The following ST18 variants were observed in gnomAD, a reference collection of about 807,000 sequenced individuals.
ST18 encodes ST18 C2H2C-type zinc finger transcription factor.
In ST18, 50 loss-of-function variants were observed where a neutral mutation model predicts 110.0. The ratio of observed to expected loss-of-function variants is 0.45; its 90% confidence interval spans 0.36 to 0.58. The LOEUF (loss-of-function observed/expected upper bound fraction) is 0.58. ST18 is among the 20% of genes least tolerant of loss of function. The pLI is 0.00. For synonymous variants in ST18, 461 were observed against 452.4 expected, an observed-to-expected ratio of 1.02 and a Z score of -0.24; for missense variants, 1,306 against 1,280.1, an observed-to-expected ratio of 1.02 and a Z score of -0.31.
chr8:52,239,509 A>G (rs1048163100), intron 2 of ST18, among the ~76,000 whole-genome samples: 3 of 151,698 alleles, frequency 2.0e-5, no homozygotes, highest in African/African-American at 7.3e-5. Flanking sequence ...ATGGCAGTCA[A>G]TTGGGTATGA....
intron 6 of ST18, among the ~76,000 whole-genome samples, chr8:52,216,815 T>A (rs2084422139): frequency 6.6e-6 from 1 of 152,176 alleles, no homozygotes; most frequent in African/African-American, 2.4e-5. Flanking sequence ...TTTTGTAAAA[T>A]CAGGCCTCAT....
At chr8:52,285,859 C>T (rs577335419) in intron 2 of ST18, among the ~76,000 whole-genome samples, 8 of 152,320 alleles carry the variant, frequency 5.3e-5, no homozygotes, top group Middle Eastern at 3.4e-3. Context: ...GAGGTTACTT[C>T]TCTTTGCCTT....
intron 2 of ST18, among the ~76,000 whole-genome samples, chr8:52,236,021 C>T (rs932907202): frequency 6.6e-6 from 1 of 152,170 alleles, no homozygotes; most frequent in East Asian, 1.9e-4. Context: ...TGACAATCTA[C>T]ATGAATATGC....
chr8:52,156,895 A>C (rs1430994402), intron 15 of ST18, among the ~76,000 whole-genome samples: 1 of 152,196 alleles, frequency 6.6e-6, no homozygotes, highest in African/African-American at 2.4e-5. Flanking sequence ...CCAGCATAAC[A>C]AACTCCTTTG....
At chr8:52,273,994 T>C (rs2095158225) in intron 2 of ST18, among the ~76,000 whole-genome samples, 1 of 152,212 alleles carries the variant, frequency 6.6e-6, no homozygotes, top group Non-Finnish European at 1.5e-5. Flanking sequence ...GACACTACTC[T>C]CTTAAGTGAA....
intron 23 of ST18, among the ~76,000 whole-genome samples, chr8:52,121,691 A>C (rs900415223): frequency 9.9e-5 from 15 of 152,220 alleles, no homozygotes; most frequent in South Asian, 2.1e-4. Context: ...TCTTTTAACC[A>C]TGAAAATACT....
chr8:52,375,374 C>G (rs1008886594), intron 2 of ST18, among the ~76,000 whole-genome samples: 7 of 152,144 alleles, frequency 4.6e-5, no homozygotes, highest in Non-Finnish European at 7.3e-5. Context: ...CTTCCCTTAG[C>G]AGGGCCCCCA....
intron 2 of ST18, among the ~76,000 whole-genome samples, chr8:52,281,938 C>T (rs1307308518): frequency 6.6e-6 from 1 of 152,116 alleles, no homozygotes; most frequent in African/African-American, 2.4e-5. Flanking sequence ...ACATTGGGTA[C>T]AACGTACACT....
chr8:52,357,398 G>A (rs1314110549), intron 2 of ST18, among the ~76,000 whole-genome samples: 1 of 151,608 alleles, frequency 6.6e-6, no homozygotes, highest in Non-Finnish European at 1.5e-5. Context: ...GAATGGATAT[G>A]AACAAATATG....
Position 52,110,840 on chromosome 8 carries a change from G to T in ST18, c.*2358C>A, listed in dbSNP as rs774116932. The stretch of plus-strand genomic sequence containing the variant: ...CCTGAGAAAGATCACATCAAAACTC[G>T]TTATCAATTTTTATTTCCTACCATA... On this transcript the variant is annotated 3_prime_UTR_variant, in exon 26 of 26. Transcript: ENST00000689386. 1 of 376,560 alleles carries T rather than the reference G, an allele frequency of 2.7e-6. No homozygotes were observed. Among genetic ancestry groups the T allele is most frequent in the Non-Finnish European group, 4.7e-6 (1 of 211,846 alleles). The allele number at this position is 376,560 out of a possible 1,614,324, so 23.3% of individuals were successfully genotyped here. A position where few individuals can be genotyped will look rare whatever the true frequency, so the allele number is the denominator to read the frequency against.
chr8:52,298,951 T>C (rs1173659331), intron 2 of ST18, among the ~76,000 whole-genome samples: 1 of 152,212 alleles, frequency 6.6e-6, no homozygotes, highest in Non-Finnish European at 1.5e-5. Context: ...TAACTAGTCA[T>C]TCTCTTTGGT....
chr8:52,382,615 G>C (rs147252379), intron 2 of ST18, among the ~76,000 whole-genome samples: 5 of 152,168 alleles, frequency 3.3e-5, no homozygotes, highest in African/African-American at 1.2e-4. Context: ...ACAAAAAGAA[G>C]AGGATGAACG....
At chr8:52,254,295 G>C (rs962646568) in intron 2 of ST18, 1 of 152,142 alleles carries the variant, frequency 6.6e-6, no homozygotes, top group African/African-American at 2.4e-5. Context: ...TCCCTGGTGG[G>C]CTGAACGGAA....
chr8:52,225,319 T>G (rs1194675714), intron 3 of ST18, among the ~76,000 whole-genome samples: 3 of 152,246 alleles, frequency 2.0e-5, no homozygotes, highest in Non-Finnish European at 2.9e-5. Context: ...TCATGACTGA[T>G]AATTCTAACA....
intron 8 of ST18, among the ~76,000 whole-genome samples, chr8:52,203,261 G>C (rs1343803969): frequency 6.6e-6 from 1 of 152,174 alleles, no homozygotes; most frequent in Non-Finnish European, 1.5e-5. Context: ...AAGGCAGCAA[G>C]GCTTGATCTT....
chr8:52,401,298 G>A (rs1335747111), intron 2 of ST18, among the ~76,000 whole-genome samples: 2 of 151,968 alleles, frequency 1.3e-5, no homozygotes, highest in Non-Finnish European at 2.9e-5. Flanking sequence ...AATATGACTT[G>A]GTGGGGCCCT....
At chr8:52,213,487 A>G (rs922103215) in intron 7 of ST18, among the ~76,000 whole-genome samples, 1 of 152,118 alleles carries the variant, frequency 6.6e-6, no homozygotes, top group Non-Finnish European at 1.5e-5. Flanking sequence ...ACAGCTATCC[A>G]GAGTGTTTTC....
chr8:52,230,323 G>A (rs1018585082), intron 2 of ST18, among the ~76,000 whole-genome samples: 3 of 151,376 alleles, frequency 2.0e-5, no homozygotes, highest in Non-Finnish European at 4.4e-5. Flanking sequence ...TTTTAGATTC[G>A]AACCCTTTTG....
intron 2 of ST18, among the ~76,000 whole-genome samples, chr8:52,386,218 T>C (rs943752547): frequency 2.0e-5 from 3 of 152,190 alleles, no homozygotes; most frequent in Admixed American, 2.0e-4. Flanking sequence ...TTTAATGCCA[T>C]GGTAGAATTT....
Sources: allele counts gnomAD v4.1 joint callset (sites outside exome capture counted in the v4.1 genomes callset), GRCh38; gene constraint gnomAD v4.1.1; transcripts MANE v1.5; gene names NCBI Gene and HGNC (gene_info 2026-07-23, HGNC 2026-07-21).